Variants in ADAM32 observed in about 807,000 individuals in gnomAD.
ADAM32 encodes disintegrin and metalloproteinase domain-containing protein 32.
Under a neutral mutation model 114.9 loss-of-function variants are expected in ADAM32, and 89 were observed. The ratio of observed to expected loss-of-function variants is 0.77; its 90% CI spans 0.65 to 0.92. The LOEUF (loss-of-function observed/expected upper bound fraction) is 0.92. Among genes scored for constraint, ADAM32 ranks in the 40% least tolerant of loss-of-function variants. ADAM32 has a pLI of 0.00. For missense variants in ADAM32, 870 were observed against 932.8 expected (o/e 0.93, Z 0.88); for synonymous variants, 285 against 307.5 (o/e 0.93, Z 0.77).
At chr8:39,107,560 G>C (rs1839974907), upstream of ADAM32, 2 of 1,340,808 alleles carry the variant, frequency 1.5e-6, no homozygotes, top group Admixed American at 3.2e-5. Flanking sequence ...GCTGGGGTGC[G>C]CCGGGAAGGG....
intron 12 of ADAM32, among the ~76,000 whole-genome samples, chr8:39,212,338 T>A (rs920505978): frequency 6.6e-6 from 1 of 152,186 alleles, no homozygotes; most frequent in Admixed American, 6.5e-5. Flanking sequence ...AAAAAATCAA[T>A]CTTATTGGGG....
chr8:39,126,824 T>C (rs1802146219), intron 2 of ADAM32, among the ~76,000 whole-genome samples: 1 of 152,280 alleles, frequency 6.6e-6, no homozygotes, highest in South Asian at 2.1e-4. Context: ...ATGGCTCTTA[T>C]TATTTTGAGG....
At chr8:39,238,717 G>A (rs1004493826) in intron 16 of ADAM32, among the ~76,000 whole-genome samples, 1 of 152,010 alleles carries the variant, frequency 6.6e-6, no homozygotes, top group Non-Finnish European at 1.5e-5. Flanking sequence ...CAGAGAAATA[G>A]AGATCAGAAA....
chr8:39,275,682 G>A, intron 21 of ADAM32, 146 bp from the exon 22 acceptor site: 1 of 693,434 alleles, frequency 1.4e-6, no homozygotes, highest in African/African-American at 1.8e-5. Flanking sequence ...TGCTAATTTA[G>A]TAGTCTTTTG....
chr8:39,245,302 G>A (rs1246982302), intron 16 of ADAM32, among the ~76,000 whole-genome samples: 1 of 152,102 alleles, frequency 6.6e-6, no homozygotes, highest in African/African-American at 2.4e-5. Context: ...GGGGACTTGG[G>A]GGGAAGGGTG....
chr8:39,279,680 C>T (rs545425594), intron 22 of ADAM32, among the ~76,000 whole-genome samples: 23 of 152,218 alleles, frequency 1.5e-4, no homozygotes, highest in South Asian at 6.2e-4. Flanking sequence ...CCAAATCCTC[C>T]GTTTTCTTAA....
chr8:39,165,187 A>G lies in ADAM32; in HGVS notation c.824A>G (p.Tyr275Cys), dbSNP rs745409956. The G allele has an allele frequency of 1.8e-5, 28 of 1,552,406 alleles. No homozygotes were observed. The highest frequency in any genetic ancestry group is 2.2e-5 in the Non-Finnish European group (25 of 1,143,240). The change falls in exon 9 of 25, where the codon TAT becomes TGT. Residue 275 changes from tyrosine (Y) to cysteine (C), a missense_variant. Tyr to Cys is a radical substitution (Grantham distance 194). Coordinates refer to ENST00000379907, the MANE Select transcript of ADAM32 (RefSeq NM_145004.7). ...AACCTAAGGCCTCATGATATTGCAT[A>G]TCTACTAATGTAAGAATAATGTTTC... Reference protein sequence around the residue: ...YLNLRPHDIAYLLIYMDYPRY... With the variant: ...YLNLRPHDIACLLIYMDYPRY...
intron 16 of ADAM32, among the ~76,000 whole-genome samples, chr8:39,238,908 T>A (rs995863575): frequency 6.6e-6 from 1 of 151,916 alleles, no homozygotes; most frequent in Non-Finnish European, 1.5e-5. Flanking sequence ...AAAGCCTCCA[T>A]GAAGTTTGGG....
chr8:39,257,010 A>C (rs917954546), intron 18 of ADAM32, among the ~76,000 whole-genome samples, 177 bp from the exon 19 acceptor site: 27 of 152,054 alleles, frequency 1.8e-4, no homozygotes, highest in Non-Finnish European at 2.9e-5. Flanking sequence ...ATGCTTTTAG[A>C]ATGAAACGTT....
At chr8:39,204,023 C>T (rs1807633368) in intron 11 of ADAM32, among the ~76,000 whole-genome samples, 1 of 152,182 alleles carries the variant, frequency 6.6e-6, no homozygotes. Context: ...ATGGGCTTCC[C>T]TTTGTGGGTA....
chr8:39,210,883 A>G (rs1808159529), intron 11 of ADAM32, among the ~76,000 whole-genome samples: 1 of 152,110 alleles, frequency 6.6e-6, no homozygotes, highest in Non-Finnish European at 1.5e-5. Flanking sequence ...ATCTGCTCAA[A>G]TCCTTTGCCT....
chr8:39,139,234 T>C (rs1035537271), intron 3 of ADAM32, among the ~76,000 whole-genome samples: 2 of 152,198 alleles, frequency 1.3e-5, no homozygotes, highest in African/African-American at 2.4e-5. Context: ...GGTGTTGTAG[T>C]TGTGAAGTCT....
intron 13 of ADAM32, among the ~76,000 whole-genome samples, chr8:39,221,998 A>G (rs900757353): frequency 1.3e-5 from 2 of 151,972 alleles, no homozygotes; most frequent in African/African-American, 2.4e-5. Context: ...GCATGATACA[A>G]TATTTATATT....
At chr8:39,170,816 T>C (rs1361933712) in intron 10 of ADAM32, among the ~76,000 whole-genome samples, 1 of 152,040 alleles carries the variant, frequency 6.6e-6, no homozygotes, top group Non-Finnish European at 1.5e-5. Flanking sequence ...AATAGTTGTA[T>C]GTAAAGGCAG....
At chr8:39,184,162 C>A (rs1295796255) in intron 10 of ADAM32, among the ~76,000 whole-genome samples, 1 of 152,194 alleles carries the variant, frequency 6.6e-6, no homozygotes, top group Non-Finnish European at 1.5e-5. Flanking sequence ...ACCAGGCAAA[C>A]AAACAAGTTA....
intron 3 of ADAM32, among the ~76,000 whole-genome samples, chr8:39,143,915 G>A (rs1289106143): frequency 6.6e-6 from 1 of 152,156 alleles, no homozygotes; most frequent in Non-Finnish European, 1.5e-5. Context: ...GGCTATTCAA[G>A]CCTCAGTAAT....
rs113888783 is a variant in ADAM32 at position 39,283,386 on chromosome 8, G to A, written c.2319-200G>A. Among the ~76,000 whole-genome samples the A allele has an allele frequency of 5.2e-5, 7 of 133,818 alleles. 1 individual carries two copies. The highest frequency in any genetic ancestry group is 2.0e-4 in the African/African-American group (7 of 35,350). The allele number at this position is 133,818 out of a possible 152,430, so 87.8% of individuals were successfully genotyped here. ...CAGTCATATTACTGCCCTCTAACCT[G>A]AGTGGCAAAGTGAAACTCCATCTCT... is the stretch of plus-strand genomic sequence containing the variant. On this transcript the variant is annotated intron_variant, in intron 23 of 24. Coordinates refer to ENST00000379907, the MANE Select transcript of ADAM32 (RefSeq NM_145004.7).
chr8:39,158,521 G>A, intron 6 of ADAM32: 2 of 320,608 alleles, frequency 6.2e-6, no homozygotes, highest in Admixed American at 5.1e-5. Flanking sequence ...GTCCTAGCCG[G>A]CCAGCTTCCC....
intron 20 of ADAM32, among the ~76,000 whole-genome samples, chr8:39,271,851 A>T (rs1812751810): frequency 6.6e-6 from 1 of 152,082 alleles, no homozygotes; most frequent in Non-Finnish European, 1.5e-5. Flanking sequence ...ACAGACTGTT[A>T]GAAAATAGTG....
Sources: gnomAD v4.1 joint callset for allele counts (sites outside exome capture counted in the v4.1 genomes callset) on GRCh38, gnomAD v4.1.1 for gene constraint, MANE v1.5 for transcripts, NCBI Gene and HGNC (gene_info 2026-07-23, HGNC 2026-07-21) for gene names.